The following C12orf43 variants were observed in gnomAD, a reference collection of about 807,000 sequenced individuals.
The protein encoded by C12orf43 is protein CUSTOS.
A neutral mutation model predicts 20.6 loss-of-function variants in C12orf43; 15 were observed. The ratio of observed to expected loss-of-function variants is 0.73; its 90% CI spans 0.49 to 1.12. C12orf43 has a LOEUF of 1.12. C12orf43 is among the 50% of genes most tolerant of loss of function. C12orf43 has a pLI of 0.00. For synonymous variants in C12orf43, 144 were observed against 130.8 expected (o/e 1.10, Z -0.69); for missense variants, 334 against 344.4 (o/e 0.97, Z 0.24).
rs960126133 is a variant in C12orf43 at position 121,001,373 on chromosome 12, G to T, written c.*2780C>A. On this transcript the variant is annotated 3_prime_UTR_variant, in exon 6 of 6. Coordinates refer to ENST00000288757, the MANE Select transcript of C12orf43 (RefSeq NM_022895.3). ...GGAGGGCTCTGAGGCGCCCCAACCCGTGGAGGCTGCTCGGGGTGCACAGGA... is the reference window on the plus strand; with the variant it reads ...GGAGGGCTCTGAGGCGCCCCAACCCTTGGAGGCTGCTCGGGGTGCACAGGA... The T allele has an allele frequency of 8.1e-6, 6 of 737,996 alleles. No individual in the cohort carries two copies. Among genetic ancestry groups the T allele is most frequent in the Non-Finnish European group, 1.3e-5 (6 of 452,458 alleles). 45.7% of individuals were successfully genotyped at this position (737,996 alleles called of 1,614,324 possible). A position where few individuals can be genotyped will look rare whatever the true frequency, so the allele number is the denominator to read the frequency against.
chr12:121,012,210 G>A (rs74876709), intron 1 of C12orf43, among the ~76,000 whole-genome samples: 1,817 of 152,276 alleles, frequency 0.012, 13 homozygotes, highest in Non-Finnish European at 0.018. Context: ...CAGGCAGAGG[G>A]AAAGCATCTG....
rs2135855141 is a variant in C12orf43 at position 121,001,253 on chromosome 12, C to T, written c.*2900G>A. ...CTTGGGGGGTGATGAGGGCAGCAGC[C>T]AGCCCTGCCTGGAGGACCTGAGCCT... On this transcript the variant is annotated 3_prime_UTR_variant, in exon 6 of 6. Transcript: ENST00000288757. 1 of 1,597,294 alleles carries T rather than the reference C, an allele frequency of 6.3e-7. No homozygotes were observed. The highest frequency in any genetic ancestry group is 1.1e-5 in the South Asian group (1 of 89,746).
At position 121,001,237 on chromosome 12, in the gene C12orf43, T is replaced by A. The variant is rs369513058; in HGVS notation, c.*2916A>T. The A allele has an allele frequency of 2.7e-5, 43 of 1,608,036 alleles. No homozygotes were observed. In the African/African-American group the frequency reaches 5.7e-4, roughly 21 times the overall value. ...GGGCCTGTACTGCCTGCTTGGGGGGTGATGAGGGCAGCAGCCAGCCCTGCC... is the reference window on the plus strand; with the variant it reads ...GGGCCTGTACTGCCTGCTTGGGGGGAGATGAGGGCAGCAGCCAGCCCTGCC... On this transcript the variant is annotated 3_prime_UTR_variant, in exon 6 of 6. Transcript: ENST00000288757.
chr12:121,013,959 A>G (rs1180815403), intron 1 of C12orf43, among the ~76,000 whole-genome samples: 2 of 152,232 alleles, frequency 1.3e-5, no homozygotes, highest in Non-Finnish European at 2.9e-5. Flanking sequence ...AAAACAGACA[A>G]CAAATACAAA....
At chr12:121,008,264 AGCT>A (rs1878171640) in intron 3 of C12orf43, among the ~76,000 whole-genome samples, 1 of 151,888 alleles carries the variant, frequency 6.6e-6, no homozygotes, top group African/African-American at 2.4e-5. Context: ...CCTCCCAAGT[AGCT>A]GGGATAACAG....
rs1239096128 is a variant in C12orf43, at chr12:121,001,658, A to G, written c.*2495T>C. On this transcript the variant is annotated 3_prime_UTR_variant, in exon 6 of 6. Coordinates refer to ENST00000288757, the MANE Select transcript of C12orf43 (RefSeq NM_022895.3). ...TCAGCGTGGCCTTGTTCTGTCACCA[A>G]TGTACCCACCGGGCCACTCCTTCCT... The G allele has an allele frequency of 6.6e-6, 3 of 456,788 alleles. No homozygotes were observed. Among genetic ancestry groups the G allele is most frequent in the African/African-American group, 3.9e-5 (2 of 51,294 alleles). The allele number at this position is 456,788 out of a possible 1,614,324, so 28.3% of individuals were successfully genotyped here.
Position 121,000,545 on chromosome 12 carries a change from GGCTGGCAGGCCTGAAATCTGTT to G in C12orf43, c.*3586_*3607del, listed in dbSNP as rs1448787818. 1 of 202,890 alleles carries G rather than the reference GGCTGGCAGGCCTGAAATCTGTT, an allele frequency of 4.9e-6. No homozygotes were observed. Among genetic ancestry groups the G allele is most frequent in the African/African-American group, 2.3e-5 (1 of 42,784 alleles). 12.6% of individuals were successfully genotyped at this position (202,890 alleles called of 1,614,324 possible). A position where few individuals can be genotyped will look rare whatever the true frequency, so the allele number is the denominator to read the frequency against. On this transcript the variant is annotated 3_prime_UTR_variant, in exon 6 of 6. Transcript: ENST00000288757. ...AAGGACTTGGCCCGTGTCTGCGGGG[GGCTGGCAGGCCTGAAATCTGTT>G]GCTGGCAGCTCTGGGGAGTGAATTC...
Position 121,004,016 on chromosome 12 carries a change from G to T in C12orf43, c.*137C>A, listed in dbSNP as rs1251076401. On this transcript the variant is annotated 3_prime_UTR_variant, in exon 6 of 6. Coordinates refer to ENST00000288757, the MANE Select transcript of C12orf43 (RefSeq NM_022895.3). This position sits in a 1 kb window ranked among gnomAD's most constrained non-coding sequence, Gnocchi z 5.6. ...CGAGCAAGCCTTCATCACCATCAGGGTCTCATGGGCAGTCTGGGTTTGCCA... is the reference window on the plus strand; with the variant it reads ...CGAGCAAGCCTTCATCACCATCAGGTTCTCATGGGCAGTCTGGGTTTGCCA... 8.3e-6 allele frequency: 8 copies of T among 964,766 alleles called. No individual in the cohort carries two copies. In the East Asian group the frequency reaches 1.9e-4, roughly 23 times the overall value. The allele number at this position is 964,766 out of a possible 1,614,324, so 59.8% of individuals were successfully genotyped here. A position where few individuals can be genotyped will look rare whatever the true frequency, so the allele number is the denominator to read the frequency against.
In C12orf43 at chr12:121,004,429, G is replaced by T. The variant is rs754331698; in HGVS notation, c.513C>A (p.Ile171=). 2.5e-6 allele frequency: 4 copies of T among 1,613,452 alleles called. No homozygotes were observed. The South Asian group carries it at 4.4e-5, about 18-fold the overall frequency. ...CREAAVSASD[I]LQESAIHSPG... ...GGCTGTGGATGGCTGACTCCTGTAG[G>T]ATGTCGGACGCCGACACAGCTGCCT... The change falls in exon 6 of 6, where the codon ATC becomes ATA. Residue 171 remains isoleucine (I), a synonymous_variant. Transcript: ENST00000288757. The surrounding 1 kb of genome is among the most constrained non-coding windows in gnomAD (Gnocchi z 5.6).
At chr12:121,013,910 G>A (rs1257090411) in intron 1 of C12orf43, among the ~76,000 whole-genome samples, 2 of 152,146 alleles carry the variant, frequency 1.3e-5, no homozygotes, top group African/African-American at 4.8e-5. Flanking sequence ...TCTGTAAAAT[G>A]GGGCTAATAC....
At position 121,000,904 on chromosome 12, in the gene C12orf43, T is replaced by TTA; in HGVS notation, c.*3248_*3249insTA. The TTA allele has an allele frequency of 1.5e-6, 1 of 667,552 alleles. No individual in the cohort carries two copies. Among genetic ancestry groups the TTA allele is most frequent in the African/African-American group, 2.1e-5 (1 of 46,900 alleles). The allele number at this position is 667,552 out of a possible 1,614,324, so 41.4% of individuals were successfully genotyped here. On this transcript the variant is annotated 3_prime_UTR_variant, in exon 6 of 6. Transcript: ENST00000288757. ...GTGGACCCTGGCTGGGAGGCTCCCT[T>TTA]TGAAGAACCGAGGGTAGAGGTGTGA...
In C12orf43 at chr12:121,005,573, C is replaced by CT. The variant is rs1244766549; in HGVS notation, c.362-481dup. Among the ~76,000 whole-genome samples, 1 of 152,274 alleles carries CT rather than the reference C, an allele frequency of 6.6e-6. No individual in the cohort carries two copies. The highest frequency in any genetic ancestry group is 1.5e-5 in the Non-Finnish European group (1 of 68,052). ...CCTCAGAGGCTTCTGGAAGTCAGCA[C>CT]TTGAGCTCCTGACCTAAGGCAGCCT... On this transcript the variant is annotated intron_variant, in intron 4 of 5. Transcript: ENST00000288757. The surrounding 1 kb of genome is among the most constrained non-coding windows in gnomAD (Gnocchi z 5.6).
Position 121,004,902 on chromosome 12 carries a change from G to T in C12orf43, c.452+101C>A. 1 of 848,972 alleles carries T rather than the reference G, an allele frequency of 1.2e-6. No homozygotes were observed. The highest frequency in any genetic ancestry group is 1.7e-6 in the Non-Finnish European group (1 of 591,474). 52.6% of individuals were successfully genotyped at this position (848,972 alleles called of 1,614,324 possible). A position where few individuals can be genotyped will look rare whatever the true frequency, so the allele number is the denominator to read the frequency against. ...AGCTGCCTGACAGGGCCACTGCCTT[G>T]GCCTGGTCCTGACTGGAGTCTGCTT... On this transcript the variant is annotated intron_variant, in intron 5 of 5. Transcript: ENST00000288757. This position sits in a 1 kb window ranked among gnomAD's most constrained non-coding sequence, Gnocchi z 5.6.
chr12:121,003,866 CCT>C lies in C12orf43; in HGVS notation c.*285_*286del, dbSNP rs771819520. On this transcript the variant is annotated 3_prime_UTR_variant, in exon 6 of 6. Transcript: ENST00000288757. ...ACTAGTCTCAAATAACTGGAAGGTTCCTTTTTTCCTGAGGTCATGAAATGTTC... is the reference window on the plus strand; with the variant it reads ...ACTAGTCTCAAATAACTGGAAGGTTCTTTTTCCTGAGGTCATGAAATGTTC... The C allele has an allele frequency of 1.0e-5, 5 of 496,862 alleles. No homozygotes were observed. Among genetic ancestry groups the C allele is most frequent in the Non-Finnish European group, 1.8e-5 (5 of 275,034 alleles). 30.8% of individuals were successfully genotyped at this position (496,862 alleles called of 1,614,324 possible). A position where few individuals can be genotyped will look rare whatever the true frequency, so the allele number is the denominator to read the frequency against.
At chr12:121,013,912 G>A (rs1456035809) in intron 1 of C12orf43, among the ~76,000 whole-genome samples, 1 of 152,088 alleles carries the variant, frequency 6.6e-6, no homozygotes. Flanking sequence ...TGTAAAATGG[G>A]GCTAATACAC....
rs1308186289 is a variant in C12orf43 at position 121,005,368 on chromosome 12, C to A, written c.362-275G>T. On this transcript the variant is annotated intron_variant, in intron 4 of 5. Coordinates refer to ENST00000288757, the MANE Select transcript of C12orf43 (RefSeq NM_022895.3). This position sits in a 1 kb window ranked among gnomAD's most constrained non-coding sequence, Gnocchi z 5.6. ...GATGCCAGCCCCTCCTCCCAGGTGC[C>A]AGGTGCTGAAGCTGCCCCGCCTCTG... 6.6e-6 allele frequency among the ~76,000 whole-genome samples: 1 copy of A among 152,182 alleles called. No individual in the cohort carries two copies. Among genetic ancestry groups the A allele is most frequent in the Non-Finnish European group, 1.5e-5 (1 of 68,016 alleles).
chr12:121,000,936 G>A lies in C12orf43; in HGVS notation c.*3217C>T, dbSNP rs1592900370. The A allele has an allele frequency of 3.0e-5, 39 of 1,312,902 alleles. No individual in the cohort carries two copies. In the South Asian group the frequency reaches 4.5e-4, roughly 15 times the overall value. 81.3% of individuals were successfully genotyped at this position (1,312,902 alleles called of 1,614,324 possible). A position where few individuals can be genotyped will look rare whatever the true frequency, so the allele number is the denominator to read the frequency against. Reference sequence around the variant, plus strand: ...ACCGAGGGTAGAGGTGTGACTTTGGGGTTCCTGTTATCTGCTGTGATCCAG... The same window carrying A: ...ACCGAGGGTAGAGGTGTGACTTTGGAGTTCCTGTTATCTGCTGTGATCCAG... On this transcript the variant is annotated 3_prime_UTR_variant, in exon 6 of 6. Transcript: ENST00000288757.
At chr12:121,016,032 G>A (rs1017413908) in intron 1 of C12orf43, among the ~76,000 whole-genome samples, 3 of 152,188 alleles carry the variant, frequency 2.0e-5, no homozygotes, top group Non-Finnish European at 4.4e-5. Context: ...AATACCGGGA[G>A]GGGGCTGTTG....
chr12:121,014,054 G>A (rs568619848), intron 1 of C12orf43, among the ~76,000 whole-genome samples: 2 of 152,332 alleles, frequency 1.3e-5, no homozygotes, highest in Admixed American at 6.5e-5. Flanking sequence ...TAGGCTGGGT[G>A]TGGTGGCTCA....
Sources: gnomAD v4.1 joint callset for allele counts (sites outside exome capture counted in the v4.1 genomes callset) on GRCh38, gnomAD v4.1.1 for gene constraint, Gnocchi (gnomAD v3.1) non-coding constraint, MANE v1.5 for transcripts, NCBI Gene and HGNC (gene_info 2026-07-23, HGNC 2026-07-21) for gene names.